CTNNA2: variants seen among roughly 807,000 people sequenced by gnomAD.
CTNNA2 encodes the protein catenin alpha-2.
CTNNA2 carries 42 observed loss-of-function variants against 101.0 expected under a neutral mutation model. The ratio of observed to expected loss-of-function variants is 0.42; its 90% confidence interval spans 0.32 to 0.54. CTNNA2 has a LOEUF of 0.54. Ranked by LOEUF, CTNNA2 falls within the 20% of genes least tolerant of loss-of-function variation. CTNNA2 has a pLI of 0.14. For synonymous variants in CTNNA2, 450 were observed against 456.4 expected, an observed-to-expected ratio of 0.99 and a Z score of 0.18; for missense variants, 871 against 1,223.1, an observed-to-expected ratio of 0.71 and a Z score of 4.29.
At chr2:80,328,197 G>A (rs1248849310) in intron 7 of CTNNA2, 1 of 454,376 alleles carries the variant, frequency 2.2e-6, no homozygotes, top group African/African-American at 2.0e-5. Flanking sequence ...GAGAGCAGAT[G>A]GACTGCTTTT....
At chr2:80,335,415 C>A (rs1671686045) in intron 7 of CTNNA2, among the ~76,000 whole-genome samples, 1 of 152,038 alleles carries the variant, frequency 6.6e-6, no homozygotes, top group Non-Finnish European at 1.5e-5. Context: ...TCAGACTGGC[C>A]CCAAATGCCT....
intron 7 of CTNNA2, among the ~76,000 whole-genome samples, chr2:80,222,453 A>G (rs1270153425): frequency 2.0e-5 from 3 of 152,198 alleles, no homozygotes; most frequent in Non-Finnish European, 2.9e-5. Context: ...CAGATCTTCT[A>G]GAGACTCAGA....
intron 2 of CTNNA2, among the ~76,000 whole-genome samples, chr2:79,203,201 C>A (rs1401517109): frequency 6.6e-6 from 1 of 152,126 alleles, no homozygotes; most frequent in African/African-American, 2.4e-5. Flanking sequence ...AGTTGGCAGT[C>A]CCCAAATCTC....
intron 7 of CTNNA2, among the ~76,000 whole-genome samples, chr2:80,277,306 GA>G (rs1187380037): frequency 6.6e-6 from 1 of 152,090 alleles, no homozygotes; most frequent in Non-Finnish European, 1.5e-5. Flanking sequence ...AGTTTTTACT[GA>G]GGTCTCATTA....
At chr2:79,760,875 C>T (rs746354123) in intron 3 of CTNNA2, among the ~76,000 whole-genome samples, 3 of 152,120 alleles carry the variant, frequency 2.0e-5, no homozygotes, top group African/African-American at 7.2e-5. Context: ...CAAATGGAGG[C>T]TGTGGGGTGT....
chr2:80,040,784 A>G (rs1449882564), intron 7 of CTNNA2, among the ~76,000 whole-genome samples: 1 of 152,190 alleles, frequency 6.6e-6, no homozygotes, highest in Non-Finnish European at 1.5e-5. Context: ...GGACGATTCA[A>G]TTAAAGGTCT....
intron 12 of CTNNA2, 25 bp from the exon 13 acceptor site, chr2:80,574,138 C>T (rs1244834814): frequency 6.2e-7 from 1 of 1,602,556 alleles, no homozygotes; most frequent in Non-Finnish European, 8.5e-7. Flanking sequence ...ATTGCCTAAT[C>T]CTCTGCTTTT....
intron 4 of CTNNA2, among the ~76,000 whole-genome samples, chr2:79,378,425 T>C (rs537437175): frequency 6.6e-6 from 1 of 152,276 alleles, no homozygotes; most frequent in East Asian, 1.9e-4. Context: ...TATTTGTTTT[T>C]TAATAGGGAT....
chr2:79,373,519 T>C (rs1210549569), intron 3 of CTNNA2, among the ~76,000 whole-genome samples: 1 of 152,108 alleles, frequency 6.6e-6, no homozygotes, highest in Non-Finnish European at 1.5e-5. Context: ...TCAGCTTGCA[T>C]TTTTCAAGCA....
At chr2:79,212,970 GAT>G (rs1674195426) in intron 2 of CTNNA2, among the ~76,000 whole-genome samples, 3 of 152,192 alleles carry the variant, frequency 2.0e-5, no homozygotes, top group Non-Finnish European at 2.9e-5. Flanking sequence ...GGTTCTAAGA[GAT>G]GGGCTAGTGG....
intron 2 of CTNNA2, among the ~76,000 whole-genome samples, chr2:79,686,851 C>A (rs773438548): frequency 6.6e-6 from 1 of 151,900 alleles, no homozygotes; most frequent in South Asian, 2.1e-4. Flanking sequence ...GTGAGAGAGG[C>A]CTGAGAGATA....
At chr2:80,638,911 A>G (rs573432669) in intron 18 of CTNNA2, among the ~76,000 whole-genome samples, 233 of 152,360 alleles carry the variant, frequency 1.5e-3, no homozygotes, top group Non-Finnish European at 2.9e-3. Context: ...TTAGCCTGAC[A>G]GCCTGCAGTG....
intron 4 of CTNNA2, among the ~76,000 whole-genome samples, chr2:79,480,663 AAT>A (rs1671099258): frequency 6.6e-6 from 1 of 152,116 alleles, no homozygotes; most frequent in Admixed American, 6.6e-5. Flanking sequence ...CTTTGTTAGC[AAT>A]ATCCATTCTG....
chr2:80,572,030 C>T (rs1460146555), intron 12 of CTNNA2, among the ~76,000 whole-genome samples: 2 of 152,072 alleles, frequency 1.3e-5, no homozygotes, highest in African/African-American at 4.8e-5. Flanking sequence ...TTTGGCCAAG[C>T]CCCTAGAGAA....
intron 1 of CTNNA2, among the ~76,000 whole-genome samples, chr2:79,579,405 T>C (rs1676010071): frequency 6.6e-6 from 1 of 152,174 alleles, no homozygotes. Flanking sequence ...TTTAATTCTG[T>C]GTTTAAAGGG....
At chr2:79,275,339 C>G (rs1675184615) in intron 2 of CTNNA2, among the ~76,000 whole-genome samples, 9 of 151,894 alleles carry the variant, frequency 5.9e-5, no homozygotes. Context: ...CGGGAATGGC[C>G]AAACAGACAA....
At chr2:80,317,346 A>G (rs1304104023) in intron 7 of CTNNA2, among the ~76,000 whole-genome samples, 1 of 152,154 alleles carries the variant, frequency 6.6e-6, no homozygotes, top group Non-Finnish European at 1.5e-5. Context: ...TATTAATTCC[A>G]TTTATTCATC....
intron 18 of CTNNA2, among the ~76,000 whole-genome samples, chr2:80,645,375 A>C (rs1673961401): frequency 6.6e-6 from 1 of 152,154 alleles, no homozygotes; most frequent in South Asian, 2.1e-4. Context: ...AAGATGGGAA[A>C]GACGAAAAAG....
At chr2:80,640,086 C>T (rs950966419) in intron 18 of CTNNA2, among the ~76,000 whole-genome samples, 11 of 150,726 alleles carry the variant, frequency 7.3e-5, no homozygotes, top group African/African-American at 1.7e-4. Flanking sequence ...TGGGTGACAG[C>T]GAGATAACAT....
Sources: gnomAD v4.1 joint callset for allele counts (sites outside exome capture counted in the v4.1 genomes callset) on GRCh38, gnomAD v4.1.1 for gene constraint, MANE v1.5 for transcripts, NCBI Gene and HGNC (gene_info 2026-07-23, HGNC 2026-07-21) for gene names.